The following BNC2 variants were observed in gnomAD, a reference collection of about 807,000 sequenced individuals.
BNC2 encodes basonuclin zinc finger protein 2.
A neutral mutation model predicts 76.3 loss-of-function variants in BNC2; 20 were observed. That is an observed-to-expected ratio of 0.26 (90% CI 0.18 to 0.38). BNC2 has a LOEUF of 0.38. BNC2 is among the 10% of genes least tolerant of loss of function. The probability of loss-of-function intolerance (pLI) is 1.00; values close to 1 mark genes in which losing one functional copy is unlikely to be tolerated. For synonymous variants in BNC2, 582 were observed against 514.8 expected, an observed-to-expected ratio of 1.13 and a Z score of -1.77; for missense variants, 1,382 against 1,399.8, an observed-to-expected ratio of 0.99 and a Z score of 0.20.
chr9:16,664,772 G>T (rs189316275), intron 3 of BNC2, among the ~76,000 whole-genome samples: 66 of 152,096 alleles, frequency 4.3e-4, no homozygotes, highest in Middle Eastern at 3.4e-3. Context: ...TAAGGAGAAG[G>T]TTTTGTTGTC....
chr9:16,474,659 T>G (rs1416393061), intron 5 of BNC2, among the ~76,000 whole-genome samples: 1 of 152,126 alleles, frequency 6.6e-6, no homozygotes, highest in Non-Finnish European at 1.5e-5. Context: ...CCTTACTGAC[T>G]CCTAGTTTAT....
At chr9:16,617,528 A>G (rs201590603) in intron 3 of BNC2, among the ~76,000 whole-genome samples, 2 of 3,524 alleles carry the variant, frequency 5.7e-4, no homozygotes, top group African/African-American at 6.6e-4. Context: ...CAGATGGAGG[A>G]AAAAAAAAAA....
intron 1 of BNC2, among the ~76,000 whole-genome samples, chr9:16,832,941 G>T (rs897844346): frequency 1.3e-5 from 2 of 152,016 alleles, no homozygotes; most frequent in South Asian, 4.2e-4. Context: ...GGCCAGGATA[G>T]TCTCAATCTC....
intron 1 of BNC2, among the ~76,000 whole-genome samples, chr9:16,861,104 G>A (rs1008312797): frequency 4.0e-5 from 6 of 150,992 alleles, no homozygotes; most frequent in African/African-American, 1.5e-4. Context: ...AATTTTGGGG[G>A]GTCAAGGAAA....
chr9:16,720,118 C>A (rs900939650), intron 3 of BNC2, among the ~76,000 whole-genome samples: 1 of 152,220 alleles, frequency 6.6e-6, no homozygotes, highest in Non-Finnish European at 1.5e-5. Flanking sequence ...TGCCCTTACT[C>A]AAAGAACCCT....
chr9:16,470,609 C>A (rs1821802190), intron 5 of BNC2, among the ~76,000 whole-genome samples: 1 of 152,208 alleles, frequency 6.6e-6, no homozygotes, highest in Admixed American at 6.5e-5. Flanking sequence ...GTATCCCAGC[C>A]GCTCTAGCTG....
chr9:16,429,650 A>C, intron 6 of BNC2: 1 of 249,468 alleles, frequency 4.0e-6, no homozygotes, highest in South Asian at 5.0e-5. Flanking sequence ...TAAGAGTTAT[A>C]TAGAAGCATT....
intron 5 of BNC2, among the ~76,000 whole-genome samples, chr9:16,481,741 C>T (rs551223200): frequency 6.6e-6 from 1 of 152,230 alleles, no homozygotes; most frequent in East Asian, 1.9e-4. Flanking sequence ...GTAAAAATTA[C>T]ATGTACAAGG....
intron 5 of BNC2, among the ~76,000 whole-genome samples, chr9:16,442,142 A>G (rs1052169681): frequency 6.6e-6 from 1 of 152,224 alleles, no homozygotes; most frequent in Non-Finnish European, 1.5e-5. Context: ...AATGAGGATA[A>G]TAAGATTTAC....
At chr9:16,722,535 A>C (rs1402081724) in intron 3 of BNC2, among the ~76,000 whole-genome samples, 1 of 152,236 alleles carries the variant, frequency 6.6e-6, no homozygotes, top group Non-Finnish European at 1.5e-5. Context: ...TTTCAACTGC[A>C]GTTACTTGGC....
chr9:16,424,651 G>T (rs1423447459), intron 6 of BNC2, among the ~76,000 whole-genome samples: 2 of 152,104 alleles, frequency 1.3e-5, no homozygotes, highest in Non-Finnish European at 2.9e-5. Context: ...ATGTATATGG[G>T]GAGAATGGGA....
At chr9:16,776,178 C>T (rs1226458997) in intron 1 of BNC2, among the ~76,000 whole-genome samples, 2 of 149,508 alleles carry the variant, frequency 1.3e-5, no homozygotes, top group Admixed American at 6.7e-5. Context: ...TCGCTCTTGT[C>T]GCCCAGGCTG....
chr9:16,677,577 A>AC (rs1491186680), intron 3 of BNC2, among the ~76,000 whole-genome samples: 16,649 of 146,424 alleles, frequency 0.11, 1,058 homozygotes, highest in South Asian at 0.19. Context: ...TGTCTCAAAC[A>AC]AACACACACA....
chr9:16,485,131 C>CA, intron 5 of BNC2, among the ~76,000 whole-genome samples: 1 of 150,732 alleles, frequency 6.6e-6, no homozygotes, highest in South Asian at 2.1e-4. Context: ...CACACACACA[C>CA]TATTTCTATT....
At chr9:16,623,932 T>C (rs1158014732) in intron 3 of BNC2, among the ~76,000 whole-genome samples, 1 of 152,198 alleles carries the variant, frequency 6.6e-6, no homozygotes, top group Non-Finnish European at 1.5e-5. Context: ...GAGAACATGA[T>C]TTGCTTAAAT....
At chr9:16,636,484 G>A (rs778097037) in intron 3 of BNC2, among the ~76,000 whole-genome samples, 87 of 151,934 alleles carry the variant, frequency 5.7e-4, no homozygotes, top group Admixed American at 7.2e-4. Flanking sequence ...TTAATTTTTT[G>A]TAGAGATAAG....
intron 1 of BNC2, among the ~76,000 whole-genome samples, chr9:16,821,164 C>A (rs147563331): frequency 2.0e-5 from 3 of 149,962 alleles, no homozygotes; most frequent in Non-Finnish European, 4.4e-5. Flanking sequence ...ACCCAGGAGG[C>A]GGAGGTTGCA....
At chr9:16,652,360 C>T (rs749897660) in intron 3 of BNC2, among the ~76,000 whole-genome samples, 19 of 151,602 alleles carry the variant, frequency 1.3e-4, no homozygotes, top group Non-Finnish European at 2.6e-4. Flanking sequence ...TTTTTTTTAA[C>T]CATTGGGTTT....
intron 1 of BNC2, among the ~76,000 whole-genome samples, chr9:16,753,136 C>G (rs377222170): frequency 1.4e-5 from 1 of 72,672 alleles, no homozygotes; most frequent in African/African-American, 4.1e-5. Context: ...ACAAACACAG[C>G]AGTTTGAATA....
Sources: gnomAD v4.1 joint callset for allele counts (sites outside exome capture counted in the v4.1 genomes callset) on GRCh38, gnomAD v4.1.1 for gene constraint, MANE v1.5 for transcripts, NCBI Gene and HGNC (gene_info 2026-07-23, HGNC 2026-07-21) for gene names.